PLD5: variants seen among roughly 807,000 people sequenced by gnomAD.
PLD5 encodes phospholipase D family member 5.
PLD5 carries 36 observed loss-of-function variants against 61.1 expected under a neutral mutation model. The ratio of observed to expected loss-of-function variants is 0.59; its 90% CI spans 0.45 to 0.78. The LOEUF is 0.78. Ranked by LOEUF, PLD5 falls within the 30% of genes least tolerant of loss-of-function variation. PLD5 has a pLI of 0.00. For missense variants in PLD5, 515 were observed against 644.4 expected (o/e 0.80, Z 2.17); for synonymous variants, 243 against 242.8 (o/e 1.00, Z -0.01).
At chr1:242,309,761 C>T (rs970552823) in intron 2 of PLD5, among the ~76,000 whole-genome samples, 1 of 150,150 alleles carries the variant, frequency 6.7e-6, no homozygotes, top group Non-Finnish European at 1.5e-5. Context: ...GGAATTCAAT[C>T]AGTCATTTCT....
intron 5 of PLD5, among the ~76,000 whole-genome samples, chr1:242,190,238 T>C (rs538674404): frequency 9.1e-5 from 13 of 142,286 alleles, no homozygotes; most frequent in African/African-American, 2.9e-4. Flanking sequence ...CTCTGCCTCC[T>C]GGGTTCACGC....
At position 242,346,020 on chromosome 1, in the gene PLD5, C is replaced by A. The variant is rs184326703; in HGVS notation, c.326+2086G>T. Among the ~76,000 whole-genome samples the A allele has an allele frequency of 3.5e-3, 340 of 96,522 alleles. 12 individuals carry two copies. The highest frequency in any genetic ancestry group is 0.01 in the African/African-American group (249 of 24,274). The allele number at this position is 96,522 out of a possible 152,430, so 63.3% of individuals were successfully genotyped here. A position where few individuals can be genotyped will look rare whatever the true frequency, so the allele number is the denominator to read the frequency against. On this transcript the variant is annotated intron_variant, in intron 2 of 9. Transcript: ENST00000536534. Reference sequence around the variant, plus strand: ...TATGTTTCAGAAAAGATCTCCCCCCCCCCCATATATACAACCATATATCAT... The same window carrying A: ...TATGTTTCAGAAAAGATCTCCCCCCACCCCATATATACAACCATATATCAT...
chr1:242,182,858 A>G (rs1419752876), intron 5 of PLD5, among the ~76,000 whole-genome samples: 3 of 152,170 alleles, frequency 2.0e-5, no homozygotes, highest in African/African-American at 7.2e-5. Context: ...AATAAAACGA[A>G]TAAATAAATA....
chr1:242,321,936 C>A (rs1011815046), intron 2 of PLD5, among the ~76,000 whole-genome samples: 3 of 152,124 alleles, frequency 2.0e-5, no homozygotes, highest in East Asian at 3.9e-4. Context: ...AAAACCTCAC[C>A]ATAGTTAAGA....
chr1:242,387,137 A>G (rs1183502068), intron 1 of PLD5, among the ~76,000 whole-genome samples: 1 of 152,222 alleles, frequency 6.6e-6, no homozygotes, highest in African/African-American at 2.4e-5. Context: ...AATTAAATAG[A>G]TACTCCTGTT....
chr1:242,299,557 T>C (rs1675908596), intron 2 of PLD5, among the ~76,000 whole-genome samples: 1 of 152,192 alleles, frequency 6.6e-6, no homozygotes, highest in African/African-American at 2.4e-5. Context: ...CAACACTCCA[T>C]TGCCTCTTCC....
intron 1 of PLD5, among the ~76,000 whole-genome samples, chr1:242,385,258 T>A (rs888434114): frequency 2.4e-4 from 37 of 152,280 alleles, no homozygotes; most frequent in African/African-American, 8.9e-4. Flanking sequence ...TATTCTAAAA[T>A]GTTGGGGAAA....
chr1:242,369,771 A>G (rs1661531911), intron 1 of PLD5, among the ~76,000 whole-genome samples: 1 of 152,286 alleles, frequency 6.6e-6, no homozygotes, highest in South Asian at 2.1e-4. Context: ...ATACCATCTC[A>G]AGGCAAGTTA....
intron 2 of PLD5, among the ~76,000 whole-genome samples, chr1:242,289,862 A>G (rs905042912): frequency 6.6e-6 from 1 of 151,958 alleles, no homozygotes; most frequent in African/African-American, 2.4e-5. Flanking sequence ...GACATGTTGC[A>G]TTTAGCCAGC....
At chr1:242,528,930 T>G (rs186040600), upstream of PLD5, among the ~76,000 whole-genome samples, 14 of 152,336 alleles carry the variant, frequency 9.2e-5, no homozygotes, top group East Asian at 2.7e-3. Flanking sequence ...TACTGAAGAA[T>G]AAAACATGTT....
chr1:242,284,425 C>T (rs1255768415), intron 3 of PLD5, among the ~76,000 whole-genome samples: 1 of 152,048 alleles, frequency 6.6e-6, no homozygotes, highest in Non-Finnish European at 1.5e-5. Flanking sequence ...GCCACCACGC[C>T]CAACTCTCTA....
chr1:242,214,965 C>T (rs1350413143), intron 5 of PLD5, among the ~76,000 whole-genome samples: 6 of 146,984 alleles, frequency 4.1e-5, no homozygotes, highest in African/African-American at 1.5e-4. Flanking sequence ...CAAGCTCTGC[C>T]TCCCGGGTTC....
chr1:242,480,627 G>C (rs78697602), intron 1 of PLD5, among the ~76,000 whole-genome samples: 1 of 152,094 alleles, frequency 6.6e-6, no homozygotes, highest in African/African-American at 2.4e-5. Flanking sequence ...ATATCTAAAT[G>C]TAGAAAGATC....
At chr1:242,367,265 A>G (rs1661396643) in intron 1 of PLD5, among the ~76,000 whole-genome samples, 1 of 152,330 alleles carries the variant, frequency 6.6e-6, no homozygotes, top group Admixed American at 6.5e-5. Flanking sequence ...AGGAGATAAG[A>G]GTCCTCAGAC....
intron 5 of PLD5, among the ~76,000 whole-genome samples, chr1:242,168,866 T>TTTTTTTTTA (rs869214408): frequency 2.2e-5 from 3 of 135,260 alleles, no homozygotes; most frequent in Admixed American, 1.7e-4. Context: ...TTTTTTTTTT[T>TTTTTTTTTA]ACCACCCCCC....
Position 242,524,176 on chromosome 1 carries a change from G to C in PLD5, c.101C>G (p.Thr34Ser). Residue 34 changes from threonine (T) to serine (S), a missense_variant, in exon 1 of 10, where the codon ACC (threonine) becomes AGC (serine). Thr to Ser is a moderately conservative substitution (Grantham distance 58, BLOSUM62 1). Around this residue, in one of 2 missense-constraint regions of PLD5, gnomAD observed 65 missense variants for 46.3 expected, o/e 1.40. Coordinates refer to ENST00000536534, the MANE Select transcript of PLD5 (RefSeq NM_001372062.1). Reference protein sequence around the residue: ...SRPKEPSPSLTRVGANFYSSV... With the variant: ...SRPKEPSPSLSRVGANFYSSV... ...GCTGTAGAAGTTCGCGCCCACTCGG[G>C]TCAGGCTTGGGGAGGGCTCCTTGGG... is the stretch of plus-strand genomic sequence containing the variant. The C allele has an allele frequency of 2.0e-6, 3 of 1,535,426 alleles. No homozygotes were observed. The highest frequency in any genetic ancestry group is 1.7e-6 in the Non-Finnish European group (2 of 1,146,522).
At chr1:242,124,439 A>G in intron 6 of PLD5, 29 bp downstream of exon 6, 1 of 1,594,440 alleles carries the variant, frequency 6.3e-7, no homozygotes, top group Non-Finnish European at 8.6e-7. Flanking sequence ...GAAGAAGGAG[A>G]AGGGGAGGAG....
chr1:242,164,463 C>T (rs561761066), intron 5 of PLD5, among the ~76,000 whole-genome samples: 5 of 151,878 alleles, frequency 3.3e-5, no homozygotes, highest in South Asian at 2.1e-4. Context: ...GATTCACTGA[C>T]GGGCCATGTT....
At chr1:242,393,560 GTA>G (rs1162316730) in intron 1 of PLD5, among the ~76,000 whole-genome samples, 1 of 84,638 alleles carries the variant, frequency 1.2e-5, no homozygotes, top group Non-Finnish European at 2.2e-5. Context: ...ATATATATGA[GTA>G]TATATGTGTA....
Sources: gnomAD v4.1 joint callset for allele counts (sites outside exome capture counted in the v4.1 genomes callset) on GRCh38, gnomAD v4.1.1 for gene constraint, gnomAD v4.1.1 regional missense constraint, MANE v1.5 for transcripts, NCBI Gene and HGNC (gene_info 2026-07-23, HGNC 2026-07-21) for gene names.